The following ANKRD28 variants were observed in gnomAD, a reference collection of about 807,000 sequenced individuals.
The protein encoded by ANKRD28 is ankyrin repeat domain 28, also known as serine/threonine-protein phosphatase 6 regulatory ankyrin repeat subunit A.
ANKRD28 carries 44 observed loss-of-function variants against 126.5 expected under a neutral mutation model. That is an observed-to-expected ratio of 0.35 (90% CI 0.27 to 0.45). The LOEUF (loss-of-function observed/expected upper bound fraction) is 0.45, where lower values mean the gene tolerates loss of function less well. ANKRD28 is among the 20% of genes least tolerant of loss of function. The probability of loss-of-function intolerance (pLI) is 1.00; values close to 1 mark genes in which losing one functional copy is unlikely to be tolerated. For synonymous variants in ANKRD28, 442 were observed against 468.5 expected (o/e 0.94, Z 0.73); for missense variants, 1,110 against 1,316.6 (o/e 0.84, Z 2.43).
Position 15,814,165 on chromosome 3 carries a change from G to T in ANKRD28, c.28-18859C>A. On this transcript the variant is annotated intron_variant, in intron 1 of 27. Coordinates refer to the ANKRD28 transcript ENST00000399451. This position sits in a 1 kb window ranked among gnomAD's most constrained non-coding sequence, Gnocchi z 4.7. Reference sequence around the variant, plus strand: ...TGTATGAAAGCTAAGTTACAAGGAGGCTTAAACAGCAACAAACTAACAAAT... The same window carrying T: ...TGTATGAAAGCTAAGTTACAAGGAGTCTTAAACAGCAACAAACTAACAAAT... 1 of 788,372 alleles carries T rather than the reference G, an allele frequency of 1.3e-6. No homozygotes were observed. Among genetic ancestry groups the T allele is most frequent in the Non-Finnish European group, 1.7e-6 (1 of 601,970 alleles). 48.8% of individuals were successfully genotyped at this position (788,372 alleles called of 1,614,324 possible).
intron 2 of ANKRD28, among the ~76,000 whole-genome samples, chr3:15,783,873 C>T (rs144917098): frequency 7.8e-4 from 119 of 151,972 alleles, no homozygotes; most frequent in African/African-American, 2.8e-3. Context: ...TATATCAAGG[C>T]ATATCATATT....
chr3:15,703,709 G>A (rs911881535), intron 14 of ANKRD28, among the ~76,000 whole-genome samples: 7 of 152,184 alleles, frequency 4.6e-5, no homozygotes, highest in Non-Finnish European at 2.9e-5. Context: ...TTGTTATTGC[G>A]AAGTTACGAT....
Position 15,670,572 on chromosome 3 carries a change from A to C in ANKRD28, c.2966-16T>G. 1 of 1,601,708 alleles carries C rather than the reference A, an allele frequency of 6.2e-7. No individual in the cohort carries two copies. The highest frequency in any genetic ancestry group is 1.1e-5 in the South Asian group (1 of 89,580). On this transcript the variant is annotated splice_polypyrimidine_tract_variant and intron_variant, in intron 27 of 27. Coordinates refer to ENST00000683139, the MANE Select transcript of ANKRD28 (RefSeq NM_001349278.2). ...GGGGTATAGCCTAGAATTAAAGATA[A>C]AATTTAAAAATTAAGCATCCTGAGA...
At chr3:15,847,603 C>A (rs192305422) in intron 1 of ANKRD28, among the ~76,000 whole-genome samples, 1 of 152,168 alleles carries the variant, frequency 6.6e-6, no homozygotes, top group East Asian at 1.9e-4. Flanking sequence ...AAATCTTAGG[C>A]CCTCTAGTCA....
intron 23 of ANKRD28, among the ~76,000 whole-genome samples, chr3:15,678,935 A>G (rs2067239934): frequency 1.3e-5 from 2 of 152,212 alleles, no homozygotes; most frequent in South Asian, 4.1e-4. Context: ...CTCTCACACC[A>G]GCCAGTAGTT....
chr3:15,696,320 TA>T (rs1362351693), intron 14 of ANKRD28, 75 bp from the exon 15 acceptor site: 6 of 945,452 alleles, frequency 6.3e-6, no homozygotes, highest in Admixed American at 3.1e-5. Context: ...AGACTGAAAT[TA>T]AAAACTGACA....
Position 15,796,489 on chromosome 3 carries a change from C to G in ANKRD28, c.33G>C (p.Glu11Asp). 7.8e-7 allele frequency: 1 copy of G among 1,288,694 alleles called. No individual in the cohort carries two copies. The highest frequency in any genetic ancestry group is 1.0e-6 in the Non-Finnish European group (1 of 988,160). 79.8% of individuals were successfully genotyped at this position (1,288,694 alleles called of 1,614,324 possible). A position where few individuals can be genotyped will look rare whatever the true frequency, so the allele number is the denominator to read the frequency against. Reference protein sequence around the residue: MSRVCIVVLEEVEDESPAFIS... With the variant: MSRVCIVVLEDVEDESPAFIS... ...TGAATGCAGGAGATTCATCTTCTAC[C>G]TCCTCCAAAACAACAATACACACTC... The change falls in exon 1 of 28, where the codon GAG becomes GAC. Residue 11 changes from glutamate (E) to aspartate (D), a missense_variant. Glu to Asp is a conservative substitution (Grantham distance 45). Transcript: ENST00000683139.
At chr3:15,711,320 C>T (rs1461368388) in intron 11 of ANKRD28, 46 bp from the exon 12 acceptor site, 2 of 1,489,236 alleles carry the variant, frequency 1.3e-6, no homozygotes, top group Non-Finnish European at 1.9e-6. Context: ...TATTATTTTA[C>T]ACTAAAGAAT....
At chr3:15,721,923 T>C (rs2073774581) in intron 7 of ANKRD28, among the ~76,000 whole-genome samples, 1 of 152,148 alleles carries the variant, frequency 6.6e-6, no homozygotes, top group African/African-American at 2.4e-5. Context: ...TATTTGTATT[T>C]TAGTAGAGAC....
chr3:15,696,269 CTGAA>C, intron 14 of ANKRD28, 24 bp from the exon 15 acceptor site: 2 of 1,400,798 alleles, frequency 1.4e-6, no homozygotes, highest in Non-Finnish European at 2.0e-6. Flanking sequence ...CAACAACATA[CTGAA>C]AATCCTAAAT....
At chr3:15,709,558 T>C in intron 13 of ANKRD28, 110 bp downstream of exon 13, 2 of 642,080 alleles carry the variant, frequency 3.1e-6, no homozygotes, top group Admixed American at 3.4e-5. Context: ...TGAATCATGA[T>C]CAGTGTACAA....
chr3:15,764,753 C>G (rs2058661964), intron 3 of ANKRD28, among the ~76,000 whole-genome samples: 2 of 152,088 alleles, frequency 1.3e-5, no homozygotes, highest in African/African-American at 4.8e-5. Flanking sequence ...TGTCAACCTC[C>G]TCAGTTCTTA....
At chr3:15,778,967 T>C (rs2059423148) in intron 2 of ANKRD28, among the ~76,000 whole-genome samples, 1 of 152,192 alleles carries the variant, frequency 6.6e-6, no homozygotes, top group East Asian at 1.9e-4. Context: ...TCATTCTCTC[T>C]CCTGTCACCC....
chr3:15,855,418 T>C (rs904961224), intron 1 of ANKRD28, among the ~76,000 whole-genome samples: 1 of 152,052 alleles, frequency 6.6e-6, no homozygotes, highest in Non-Finnish European at 1.5e-5. Context: ...CACACAAAGA[T>C]GGCTCCTACA....
At chr3:15,783,031 G>C (rs1559523690) in intron 2 of ANKRD28, among the ~76,000 whole-genome samples, 1 of 150,852 alleles carries the variant, frequency 6.6e-6, no homozygotes, top group Non-Finnish European at 1.5e-5. Flanking sequence ...CAATGGGACA[G>C]TTTTTTTTTA....
At chr3:15,792,706 T>C (rs2060089081) in intron 2 of ANKRD28, among the ~76,000 whole-genome samples, 1 of 152,184 alleles carries the variant, frequency 6.6e-6, no homozygotes, top group Non-Finnish European at 1.5e-5. Context: ...ACTTAAATAA[T>C]GTAATTGGAA....
At chr3:15,827,543 T>C (rs1327822444) in intron 1 of ANKRD28, among the ~76,000 whole-genome samples, 2 of 152,202 alleles carry the variant, frequency 1.3e-5, no homozygotes, top group African/African-American at 2.4e-5. Flanking sequence ...TGGGGAAATC[T>C]AGTTTCCCCA....
intron 14 of ANKRD28, among the ~76,000 whole-genome samples, chr3:15,704,451 T>G (rs1031937164): frequency 6.6e-6 from 1 of 152,094 alleles, no homozygotes; most frequent in Admixed American, 6.6e-5. Flanking sequence ...AAACAACAAC[T>G]TTTCCTGGGG....
intron 23 of ANKRD28, among the ~76,000 whole-genome samples, chr3:15,679,075 A>G (rs2067252352): frequency 6.6e-6 from 1 of 151,940 alleles, no homozygotes; most frequent in African/African-American, 2.4e-5. Context: ...CCTGGGCTCA[A>G]GTGATCCTCC....
Sources: gnomAD v4.1 joint callset for allele counts (sites outside exome capture counted in the v4.1 genomes callset) on GRCh38, gnomAD v4.1.1 for gene constraint, Gnocchi (gnomAD v3.1) non-coding constraint, MANE v1.5 for transcripts, NCBI Gene and HGNC (gene_info 2026-07-23, HGNC 2026-07-21) for gene names.